Variants in AGK observed in about 807,000 individuals in gnomAD.
AGK encodes acylglycerol kinase.
A neutral mutation model predicts 66.4 loss-of-function variants in AGK; 52 were observed. The observed-to-expected ratio is 0.78, with a 90% CI of 0.63 to 0.99. The LOEUF (loss-of-function observed/expected upper bound fraction) is 0.99. AGK is among the 50% of genes least tolerant of loss of function. AGK has a pLI of 0.00. For synonymous variants in AGK, 182 were observed against 181.1 expected, an observed-to-expected ratio of 1.00 and a Z score of -0.04; for missense variants, 451 against 506.6, an observed-to-expected ratio of 0.89 and a Z score of 1.05.
intron 2 of AGK, among the ~76,000 whole-genome samples, chr7:141,582,318 G>A (rs1442418253): frequency 1.3e-5 from 2 of 152,028 alleles, no homozygotes; most frequent in South Asian, 2.1e-4. Context: ...GGAAGTTCTT[G>A]TGTGCTGGAG....
intron 9 of AGK, among the ~76,000 whole-genome samples, chr7:141,625,618 G>A (rs1796922078): frequency 6.6e-6 from 1 of 152,144 alleles, no homozygotes; most frequent in African/African-American, 2.4e-5. Context: ...TACCTCATAT[G>A]GTTGTTTTGA....
intron 13 of AGK, among the ~76,000 whole-genome samples, chr7:141,646,526 T>C (rs1797417036): frequency 6.6e-6 from 1 of 152,166 alleles, no homozygotes. Context: ...AACCACAGTT[T>C]CTTTCTAGGT....
At chr7:141,625,898 C>T (rs1009750254) in intron 9 of AGK, among the ~76,000 whole-genome samples, 7 of 152,182 alleles carry the variant, frequency 4.6e-5, no homozygotes, top group Middle Eastern at 3.4e-3. Context: ...CTATGTTCTT[C>T]GTACTTTCCT....
chr7:141,571,276 G>A (rs1795600899), intron 2 of AGK, among the ~76,000 whole-genome samples: 1 of 152,268 alleles, frequency 6.6e-6, no homozygotes, highest in African/African-American at 2.4e-5. Flanking sequence ...TGTCTTGTCA[G>A]CTGGTGATTA....
intron 8 of AGK, 106 bp downstream of exon 8, chr7:141,615,671 C>A: frequency 1.1e-6 from 1 of 900,238 alleles, no homozygotes; most frequent in South Asian, 1.5e-5. Context: ...CCTGAAACTT[C>A]AAATAATTAA....
At chr7:141,590,444 G>A (rs1327866779) in intron 2 of AGK, among the ~76,000 whole-genome samples, 3 of 152,204 alleles carry the variant, frequency 2.0e-5, no homozygotes, top group Non-Finnish European at 4.4e-5. Context: ...AGCATTGAAA[G>A]CAGTGGCCGG....
chr7:141,591,714 A>T (rs1336971208), intron 2 of AGK, among the ~76,000 whole-genome samples: 23 of 152,232 alleles, frequency 1.5e-4, no homozygotes, highest in Admixed American at 1.5e-3. Flanking sequence ...AAGTTTTTCT[A>T]TAAATTGGTT....
rs185644431 is a variant in AGK at position 141,582,768 on chromosome 7, C to T, written c.102-10378C>T. Among the ~76,000 whole-genome samples, 133 of 151,834 alleles carry T rather than the reference C, an allele frequency of 8.8e-4. 3 individuals are homozygous for T. Among genetic ancestry groups the T allele is most frequent in the African/African-American group, 3.1e-3 (127 of 41,250 alleles). On this transcript the variant is annotated intron_variant, in intron 2 of 15. Transcript: ENST00000649286. ...AGATGGGGGAGAGCTAGCCATGGAA[C>T]GAAACTGTAAGCCAGACCGGGTGTG...
At chr7:141,641,578 T>C (rs1797290973) in intron 12 of AGK, among the ~76,000 whole-genome samples, 180 bp downstream of exon 12, 1 of 152,230 alleles carries the variant, frequency 6.6e-6, no homozygotes, top group South Asian at 2.1e-4. Flanking sequence ...TCAATGGGCA[T>C]AGCAGTCTCT....
At chr7:141,571,065 G>A (rs1367137525) in intron 2 of AGK, among the ~76,000 whole-genome samples, 10 of 152,168 alleles carry the variant, frequency 6.6e-5, no homozygotes, top group Non-Finnish European at 1.5e-4. Context: ...TACTGGCCCT[G>A]ACTTTATTTA....
chr7:141,552,759 A>T (rs1427243052), intron 1 of AGK, among the ~76,000 whole-genome samples: 2 of 152,196 alleles, frequency 1.3e-5, no homozygotes, highest in Admixed American at 6.5e-5. Flanking sequence ...CCCTTCAGTG[A>T]GAGGTGCTCA....
intron 9 of AGK, among the ~76,000 whole-genome samples, chr7:141,624,235 A>G (rs1424190023): frequency 6.6e-6 from 1 of 152,176 alleles, no homozygotes; most frequent in Non-Finnish European, 1.5e-5. Flanking sequence ...AAGTTTTATT[A>G]TTTAATAAAT....
chr7:141,641,948 A>G, intron 13 of AGK, 40 bp downstream of exon 13: 1 of 1,506,168 alleles, frequency 6.6e-7, no homozygotes, highest in Non-Finnish European at 9.1e-7. Flanking sequence ...TTGGTACCTA[A>G]GAAAAGTGAC....
chr7:141,628,915 G>A (rs990376679), intron 9 of AGK, among the ~76,000 whole-genome samples: 3 of 152,124 alleles, frequency 2.0e-5, no homozygotes, highest in Non-Finnish European at 4.4e-5. Context: ...AAGGTTTATA[G>A]AATTCTTTGT....
At chr7:141,608,041 G>A (rs1264830635) in intron 5 of AGK, among the ~76,000 whole-genome samples, 1 of 151,880 alleles carries the variant, frequency 6.6e-6, no homozygotes, top group Non-Finnish European at 1.5e-5. Flanking sequence ...TTTATTTAGT[G>A]CCCACTATGA....
intron 8 of AGK, among the ~76,000 whole-genome samples, chr7:141,620,725 T>C (rs1004542249): frequency 3.3e-5 from 5 of 152,208 alleles, no homozygotes. Flanking sequence ...TTGTAAGATA[T>C]GCCTCCAGGA....
intron 2 of AGK, among the ~76,000 whole-genome samples, chr7:141,583,384 T>G (rs1310601556): frequency 2.9e-4 from 30 of 103,390 alleles, no homozygotes; most frequent in Admixed American, 4.1e-4. Flanking sequence ...CCCAGGAAAG[T>G]GGAGAGGAGA....
intron 13 of AGK, among the ~76,000 whole-genome samples, chr7:141,642,955 G>A (rs1797322676): frequency 6.6e-6 from 1 of 152,140 alleles, no homozygotes; most frequent in Non-Finnish European, 1.5e-5. Flanking sequence ...CAATGAGAAT[G>A]CCAATAGGAA....
intron 2 of AGK, among the ~76,000 whole-genome samples, chr7:141,556,726 T>A (rs1056641666): frequency 2.0e-5 from 3 of 152,160 alleles, no homozygotes; most frequent in African/African-American, 7.2e-5. Context: ...CTATAGTCTC[T>A]TGATCTGTCA....
Sources: gnomAD v4.1 joint callset for allele counts (sites outside exome capture counted in the v4.1 genomes callset) on GRCh38, gnomAD v4.1.1 for gene constraint, MANE v1.5 for transcripts, NCBI Gene and HGNC (gene_info 2026-07-23, HGNC 2026-07-21) for gene names.